AGBL1: variants seen among roughly 807,000 people sequenced by gnomAD.
The protein encoded by AGBL1 is cytosolic carboxypeptidase 4.
A neutral mutation model predicts 118.9 loss-of-function variants in AGBL1; 130 were observed. The observed-to-expected ratio is 1.09, with a 90% CI of 0.95 to 1.26. The LOEUF (loss-of-function observed/expected upper bound fraction) is 1.26, where lower values mean the gene tolerates loss of function less well. Ranked by LOEUF, AGBL1 falls within the 50% of genes most tolerant of loss-of-function variation. The probability of loss-of-function intolerance (pLI) is 0.00; values close to 1 mark genes in which losing one functional copy is unlikely to be tolerated. For synonymous variants in AGBL1, 555 were observed against 478.9 expected (o/e 1.16, Z -2.08); for missense variants, 1,584 against 1,298.1 (o/e 1.22, Z -3.38).
intron 18 of AGBL1, among the ~76,000 whole-genome samples, chr15:86,479,463 A>G (rs1322797019): frequency 6.6e-6 from 1 of 152,246 alleles, no homozygotes; most frequent in Non-Finnish European, 1.5e-5. Context: ...TATGCCACCA[A>G]CAGACACATG....
intron 22 of AGBL1, among the ~76,000 whole-genome samples, chr15:86,826,814 C>G (rs1380195835): frequency 1.3e-5 from 2 of 152,038 alleles, no homozygotes; most frequent in Non-Finnish European, 2.9e-5. Context: ...TGGAAATAAT[C>G]TCCCTAAGAC....
intron 19 of AGBL1, among the ~76,000 whole-genome samples, chr15:86,543,013 A>G (rs560921992): frequency 7.2e-5 from 11 of 152,308 alleles, no homozygotes; most frequent in African/African-American, 2.6e-4. Context: ...ACCATTTACA[A>G]TAAGTAAGAT....
intron 5 of AGBL1, among the ~76,000 whole-genome samples, chr15:86,163,485 T>C (rs2077295289): frequency 6.6e-6 from 1 of 152,128 alleles, no homozygotes; most frequent in Non-Finnish European, 1.5e-5. Flanking sequence ...CCCAGCACTT[T>C]GGGAGGCTGA....
chr15:86,500,371 G>A (rs1329022150), intron 18 of AGBL1, among the ~76,000 whole-genome samples: 1 of 151,790 alleles, frequency 6.6e-6, no homozygotes, highest in Non-Finnish European at 1.5e-5. Flanking sequence ...TTAAGAATAG[G>A]TTATCCCAAG....
At chr15:86,536,855 C>T (rs1044902668) in intron 19 of AGBL1, among the ~76,000 whole-genome samples, 1 of 152,130 alleles carries the variant, frequency 6.6e-6, no homozygotes, top group African/African-American at 2.4e-5. Context: ...CTAATTTTGC[C>T]ATAAGGCTGC....
At chr15:86,495,767 C>G (rs2082844392) in intron 18 of AGBL1, among the ~76,000 whole-genome samples, 1 of 151,744 alleles carries the variant, frequency 6.6e-6, no homozygotes, top group Non-Finnish European at 1.5e-5. Flanking sequence ...AAGTATGCAT[C>G]TTCTCTGTTT....
intron 22 of AGBL1, among the ~76,000 whole-genome samples, chr15:86,694,061 T>C (rs1180708974): frequency 2.0e-5 from 3 of 152,292 alleles, no homozygotes; most frequent in Middle Eastern, 3.4e-3. Flanking sequence ...TTGCTTAGTC[T>C]TGCTTTGGCT....
At chr15:86,083,438 C>T (rs1895426400) in intron 1 of AGBL1, 1 of 152,182 alleles carries the variant, frequency 6.6e-6, no homozygotes, top group Non-Finnish European at 1.5e-5. Flanking sequence ...ACATTTTTGC[C>T]ATTTCCATTT....
intron 18 of AGBL1, among the ~76,000 whole-genome samples, chr15:86,407,183 T>C (rs1211044466): frequency 6.6e-6 from 1 of 152,202 alleles, no homozygotes; most frequent in East Asian, 1.9e-4. Context: ...TAACTTCTAA[T>C]TATTACAACT....
At chr15:86,221,563 A>G (rs1281992132) in intron 5 of AGBL1, among the ~76,000 whole-genome samples, 2 of 152,204 alleles carry the variant, frequency 1.3e-5, no homozygotes, top group East Asian at 1.9e-4. Context: ...CGCTGCAGAC[A>G]TGTAACCACT....
At chr15:86,151,833 G>A (rs1200020450) in intron 3 of AGBL1, among the ~76,000 whole-genome samples, 1 of 152,136 alleles carries the variant, frequency 6.6e-6, no homozygotes, top group Non-Finnish European at 1.5e-5. Flanking sequence ...CAAAGTCTCA[G>A]GATACAAAAT....
chr15:86,528,718 T>A (rs1342118647), intron 19 of AGBL1, among the ~76,000 whole-genome samples: 3 of 94,548 alleles, frequency 3.2e-5, no homozygotes, highest in South Asian at 9.0e-4. Context: ...GTCTGACAGC[T>A]TTGAAGAGAG....
rs138680563 is a variant in AGBL1 at position 86,217,521 on chromosome 15, A to T, written c.489-7393A>T. On this transcript the variant is annotated intron_variant, in intron 5 of 22. Coordinates refer to ENST00000614907, the MANE Select transcript of AGBL1 (RefSeq NM_001386094.1). ...TGAATAACTGCAAACTAAATTGTGC[A>T]ATGAGAAAAGAGGAAAAAAGGATGA... Among the ~76,000 whole-genome samples the T allele has an allele frequency of 2.6e-5, 4 of 152,310 alleles. No homozygotes were observed. In the East Asian group the frequency reaches 7.7e-4, roughly 29 times the overall value.
intron 21 of AGBL1, among the ~76,000 whole-genome samples, chr15:86,583,853 T>C (rs1425609697): frequency 6.6e-6 from 1 of 152,094 alleles, no homozygotes; most frequent in Non-Finnish European, 1.5e-5. Context: ...TCAGCATCTG[T>C]TGTTTTTGAC....
intron 18 of AGBL1, among the ~76,000 whole-genome samples, chr15:86,468,027 G>A (rs2082428891): frequency 1.3e-5 from 2 of 152,112 alleles, no homozygotes; most frequent in South Asian, 4.1e-4. Flanking sequence ...CTGCCCATTA[G>A]ACTGTAAACT....
At chr15:86,990,477 G>A (rs2081327463) in intron 24 of AGBL1, among the ~76,000 whole-genome samples, 1 of 151,870 alleles carries the variant, frequency 6.6e-6, no homozygotes, top group African/African-American at 2.4e-5. Context: ...TTGTGCCACT[G>A]CACTCCAGCC....
At chr15:86,953,658 T>G (rs1342300025) in intron 23 of AGBL1, among the ~76,000 whole-genome samples, 1 of 152,108 alleles carries the variant, frequency 6.6e-6, no homozygotes, top group Non-Finnish European at 1.5e-5. Context: ...CCCAAAGAAC[T>G]GGGATTACAG....
At chr15:86,396,407 C>T (rs980168770) in intron 17 of AGBL1, among the ~76,000 whole-genome samples, 5 of 151,976 alleles carry the variant, frequency 3.3e-5, no homozygotes, top group Non-Finnish European at 7.4e-5. Flanking sequence ...CTCATCAGCA[C>T]ATTCTCCATA....
chr15:86,254,411 C>G (rs1373600063), intron 7 of AGBL1, among the ~76,000 whole-genome samples: 1 of 152,228 alleles, frequency 6.6e-6, no homozygotes, highest in Non-Finnish European at 1.5e-5. Context: ...AGGATTTAAA[C>G]TCATGTAGTC....
Sources: allele counts gnomAD v4.1 joint callset (sites outside exome capture counted in the v4.1 genomes callset), GRCh38; gene constraint gnomAD v4.1.1; transcripts MANE v1.5; gene names NCBI Gene and HGNC (gene_info 2026-07-23, HGNC 2026-07-21).